CACNA2D1: variants seen among roughly 807,000 people sequenced by gnomAD.
CACNA2D1 encodes the protein calcium voltage-gated channel auxiliary subunit alpha2delta 1.
In CACNA2D1, 53 loss-of-function variants were observed where a neutral mutation model predicts 171.5. That is an observed-to-expected ratio of 0.31 (90% CI 0.25 to 0.39). The LOEUF is 0.39. Ranked by LOEUF, CACNA2D1 falls within the 10% of genes least tolerant of loss-of-function variation. The probability of loss-of-function intolerance (pLI) is 1.00; values close to 1 mark genes in which losing one functional copy is unlikely to be tolerated. For synonymous variants in CACNA2D1, 442 were observed against 443.1 expected, an observed-to-expected ratio of 1.00 and a Z score of 0.03; for missense variants, 903 against 1,299.8, an observed-to-expected ratio of 0.69 and a Z score of 4.69.
At position 82,392,929 on chromosome 7, in the gene CACNA2D1, C is replaced by G. The variant is rs545070116; in HGVS notation, c.96-43280G>C. ...CCTGAAAGATACAGTTATCCCTTTCCTACCTAATATTCTAAATTTAATTTT... is the reference window on the plus strand; with the variant it reads ...CCTGAAAGATACAGTTATCCCTTTCGTACCTAATATTCTAAATTTAATTTT... On this transcript the variant is annotated intron_variant, in intron 1 of 38. Transcript: ENST00000356860. Among the ~76,000 whole-genome samples the G allele has an allele frequency of 6.6e-5, 10 of 151,924 alleles. No homozygotes were observed. The South Asian group carries it at 2.1e-3, about 32-fold the overall frequency.
chr7:82,221,561 A>G (rs1035881321), intron 3 of CACNA2D1, among the ~76,000 whole-genome samples: 13 of 152,100 alleles, frequency 8.5e-5, no homozygotes, highest in African/African-American at 3.1e-4. Flanking sequence ...CCTGGCCAAC[A>G]TGGTGAAATC....
intron 4 of CACNA2D1, among the ~76,000 whole-genome samples, chr7:82,149,796 A>AAAAAGAAAAG (rs1793594373): frequency 3.7e-5 from 5 of 136,764 alleles, no homozygotes; most frequent in Non-Finnish European, 6.4e-5. Flanking sequence ...ACAAACAACA[A>AAAAAGAAAAG]AAAAAAAAAC....
intron 7 of CACNA2D1, among the ~76,000 whole-genome samples, chr7:82,071,371 T>A (rs1157195435): frequency 6.6e-6 from 1 of 152,182 alleles, no homozygotes; most frequent in Admixed American, 6.5e-5. Context: ...GGTCAGTGAT[T>A]GTTCTGTATT....
chr7:82,063,742 C>T (rs554546448), intron 9 of CACNA2D1, among the ~76,000 whole-genome samples: 6 of 151,982 alleles, frequency 3.9e-5, no homozygotes, highest in Non-Finnish European at 7.4e-5. Context: ...TATTAGAAAA[C>T]ATGTACACTT....
At chr7:82,040,874 C>A (rs1394489788) in intron 10 of CACNA2D1, among the ~76,000 whole-genome samples, 1 of 152,066 alleles carries the variant, frequency 6.6e-6, no homozygotes, top group East Asian at 1.9e-4. Context: ...ACTCATGAGG[C>A]TGAGGCAGGA....
Position 81,948,451 on chromosome 7 carries a change from C to A in CACNA2D1, c.*1941G>T, listed in dbSNP as rs1297052063. The stretch of plus-strand genomic sequence containing the variant: ...TTGGCAAAGTGATTCCATTTCCCCC[C>A]ACCTTTTTATTGAAAAAAAAAATCT... On this transcript the variant is annotated 3_prime_UTR_variant, in exon 39 of 39. Coordinates refer to ENST00000356860, the MANE Select transcript of CACNA2D1 (RefSeq NM_000722.4). 1 of 148,228 alleles carries A rather than the reference C, an allele frequency of 6.7e-6. No individual in the cohort carries two copies. Among genetic ancestry groups the A allele is most frequent in the Non-Finnish European group, 1.5e-5 (1 of 66,254 alleles). The allele number at this position is 148,228 out of a possible 1,614,324, so 9.2% of individuals were successfully genotyped here.
At chr7:82,362,265 T>A (rs957173506) in intron 1 of CACNA2D1, among the ~76,000 whole-genome samples, 1 of 152,190 alleles carries the variant, frequency 6.6e-6, no homozygotes, top group Non-Finnish European at 1.5e-5. Flanking sequence ...TTACTGTTCC[T>A]AGTGCTCCAT....
At chr7:81,957,753 G>T (rs1439979148) in intron 38 of CACNA2D1, among the ~76,000 whole-genome samples, 1 of 152,098 alleles carries the variant, frequency 6.6e-6, no homozygotes, top group Non-Finnish European at 1.5e-5. Context: ...AAGCTACTGA[G>T]CAACAGTTGT....
chr7:82,410,456 T>C (rs1827523849), intron 1 of CACNA2D1: 1 of 960,480 alleles, frequency 1.0e-6, no homozygotes, highest in Non-Finnish European at 1.2e-6. Context: ...TGGCTTAGCC[T>C]TAAGAAAAAA....
chr7:82,300,378 G>A (rs1474611872), intron 3 of CACNA2D1, among the ~76,000 whole-genome samples: 5 of 151,870 alleles, frequency 3.3e-5, no homozygotes, highest in Admixed American at 2.0e-4. Context: ...CATTTTAAAT[G>A]AATAATATTT....
intron 1 of CACNA2D1, among the ~76,000 whole-genome samples, chr7:82,400,624 C>A (rs971855165): frequency 2.6e-5 from 4 of 152,122 alleles, no homozygotes; most frequent in Non-Finnish European, 5.9e-5. Context: ...CTAGGCAATA[C>A]CATTCAGGAC....
intron 3 of CACNA2D1, among the ~76,000 whole-genome samples, chr7:82,218,965 A>T (rs1182509443): frequency 6.6e-6 from 1 of 152,124 alleles, no homozygotes; most frequent in Non-Finnish European, 1.5e-5. Flanking sequence ...GTTTTGCCTA[A>T]ATGGTCTTCA....
At chr7:82,276,269 T>C (rs1351335216) in intron 3 of CACNA2D1, among the ~76,000 whole-genome samples, 1 of 152,248 alleles carries the variant, frequency 6.6e-6, no homozygotes, top group Non-Finnish European at 1.5e-5. Flanking sequence ...TGAAAGTCAA[T>C]GTTCACATCC....
At chr7:82,383,384 CT>C (rs1823927648) in intron 1 of CACNA2D1, among the ~76,000 whole-genome samples, 1 of 152,128 alleles carries the variant, frequency 6.6e-6, no homozygotes, top group Non-Finnish European at 1.5e-5. Flanking sequence ...ATATTCAGCC[CT>C]TCTAGGGGAG....
At chr7:82,343,247 C>T (rs1411407785) in intron 2 of CACNA2D1, 1 of 152,154 alleles carries the variant, frequency 6.6e-6, no homozygotes, top group Admixed American at 6.5e-5. Flanking sequence ...GGAGCATCGT[C>T]TTTAGAAGGA....
At chr7:82,417,421 C>G (rs945208429) in intron 1 of CACNA2D1, among the ~76,000 whole-genome samples, 2 of 152,112 alleles carry the variant, frequency 1.3e-5, no homozygotes, top group Non-Finnish European at 2.9e-5. Flanking sequence ...TTTGAACTAC[C>G]CAATTTACCT....
chr7:82,301,768 CACACAT>C (rs1432235878), intron 3 of CACNA2D1, among the ~76,000 whole-genome samples: 13 of 148,656 alleles, frequency 8.7e-5, no homozygotes, highest in Admixed American at 5.4e-4. Context: ...CACACACACA[CACACAT>C]AGAGAGAGAG....
intron 3 of CACNA2D1, among the ~76,000 whole-genome samples, chr7:82,201,718 C>T (rs1289768735): frequency 6.6e-6 from 1 of 152,160 alleles, no homozygotes; most frequent in East Asian, 1.9e-4. Context: ...GGGCCTACAG[C>T]CAATGATGGA....
intron 4 of CACNA2D1, among the ~76,000 whole-genome samples, chr7:82,138,688 C>T (rs1033619158): frequency 6.6e-6 from 1 of 151,842 alleles, no homozygotes; most frequent in African/African-American, 2.4e-5. Context: ...CCTCGTGATC[C>T]GCCCGCCTCA....
Sources: gnomAD v4.1 joint callset for allele counts (sites outside exome capture counted in the v4.1 genomes callset) on GRCh38, gnomAD v4.1.1 for gene constraint, MANE v1.5 for transcripts, NCBI Gene and HGNC (gene_info 2026-07-23, HGNC 2026-07-21) for gene names.